The following DLX1 variants were observed in gnomAD, a reference collection of about 807,000 sequenced individuals.
DLX1 encodes distal-less homeobox 1.
DLX1 carries 7 observed loss-of-function variants against 25.0 expected under a neutral mutation model. The observed-to-expected ratio is 0.28, with a 90% CI of 0.16 to 0.52. DLX1 has a LOEUF of 0.52. Ranked by LOEUF, DLX1 falls within the 20% of genes least tolerant of loss-of-function variation. The probability of loss-of-function intolerance (pLI) is 0.96; values close to 1 mark genes in which losing one functional copy is unlikely to be tolerated. For missense variants in DLX1, 233 were observed against 334.4 expected (o/e 0.70, Z 2.37); for synonymous variants, 155 against 140.3 (o/e 1.10, Z -0.74).
Position 172,085,509 on chromosome 2 carries a change from C to A in DLX1, c.-169C>A. Reference sequence around the variant, plus strand: ...TTTGAACCGAGTTTGGGGAGCTCAGCAGCATCATGCTTAGACTTTTCAAAG... The same window carrying A: ...TTTGAACCGAGTTTGGGGAGCTCAGAAGCATCATGCTTAGACTTTTCAAAG... On this transcript the variant is annotated 5_prime_UTR_variant, in exon 1 of 3. Transcript: ENST00000361725. The surrounding 1 kb of genome is among the most constrained non-coding windows in gnomAD (Gnocchi z 4.3). The A allele has an allele frequency of 1.5e-6, 1 of 679,280 alleles. No individual in the cohort carries two copies. Among genetic ancestry groups the A allele is most frequent in the Non-Finnish European group, 2.5e-6 (1 of 407,836 alleles). 42.1% of individuals were successfully genotyped at this position (679,280 alleles called of 1,614,324 possible).
chr2:172,087,057 T>A, intron 2 of DLX1: 1 of 723,040 alleles, frequency 1.4e-6, no homozygotes, highest in South Asian at 1.5e-5. Context: ...TATCCCGAGC[T>A]GCCTGCCGTC....
chr2:172,087,803 G>A (rs1690873160), intron 2 of DLX1, among the ~76,000 whole-genome samples, 200 bp from the exon 3 acceptor site: 1 of 152,230 alleles, frequency 6.6e-6, no homozygotes, highest in Non-Finnish European at 1.5e-5. Flanking sequence ...ACGGCGGCGG[G>A]AGGTTCGGCC....
intron 1 of DLX1, 166 bp from the exon 2 acceptor site, chr2:172,086,488 C>G: frequency 1.5e-6 from 1 of 646,752 alleles, no homozygotes; most frequent in South Asian, 2.3e-5. Context: ...CGTCCCGGGA[C>G]AGGCCCTCGG....
rs756561884 is a variant in DLX1 at position 172,085,654 on chromosome 2, C to T, written c.-24C>T. ...AAGGGAAGCAGAGGAGAGAAAGTCC[C>T]ACACCCAGACCCCGCGAGAAGAGAT... On this transcript the variant is annotated 5_prime_UTR_variant, in exon 1 of 3. Coordinates refer to ENST00000361725, the MANE Select transcript of DLX1 (RefSeq NM_178120.5). The surrounding 1 kb of genome is among the most constrained non-coding windows in gnomAD (Gnocchi z 4.3). 4 of 1,599,334 alleles carry T rather than the reference C, an allele frequency of 2.5e-6. No individual in the cohort carries two copies. Among genetic ancestry groups the T allele is most frequent in the Non-Finnish European group, 3.4e-6 (4 of 1,173,014 alleles).
chr2:172,086,262 T>G (rs538461228), intron 1 of DLX1: 23 of 529,758 alleles, frequency 4.3e-5, no homozygotes, highest in Admixed American at 1.8e-4. Flanking sequence ...TGGCTGGGCC[T>G]CTGGGCGGCT....
chr2:172,085,623 C>A lies in DLX1; in HGVS notation c.-55C>A. 3 of 1,550,502 alleles carry A rather than the reference C, an allele frequency of 1.9e-6. No individual in the cohort carries two copies. The South Asian group carries it at 3.7e-5, about 19-fold the overall frequency. On this transcript the variant is annotated 5_prime_UTR_variant, in exon 1 of 3. Coordinates refer to ENST00000361725, the MANE Select transcript of DLX1 (RefSeq NM_178120.5). The surrounding 1 kb of genome is among the most constrained non-coding windows in gnomAD (Gnocchi z 4.3). ...TTCCTGTCCTGAGAAACATAGAGAC[C>A]CCCAAAAGGGAAGCAGAGGAGAGAA...
Position 172,085,843 on chromosome 2 carries a change from G to A in DLX1, c.166G>A (p.Ala56Thr), listed in dbSNP as rs776371692. 42 of 1,614,062 alleles carry A rather than the reference G, an allele frequency of 2.6e-5. No individual in the cohort carries two copies. Among genetic ancestry groups the A allele is most frequent in the African/African-American group, 5.3e-5 (4 of 74,912 alleles). Residue 56 changes from alanine (A) to threonine (T), a missense_variant, in exon 1 of 3, where the codon GCC becomes ACC. This residue lies in a region of DLX1 where 126 missense variants were observed against 170.4 expected (regional missense o/e 0.74). Coordinates refer to ENST00000361725, the MANE Select transcript of DLX1 (RefSeq NM_178120.5). The surrounding 1 kb of genome is among the most constrained non-coding windows in gnomAD (Gnocchi z 4.3). ...GGCGGGCCATTCGCAGCCCGACGGC[G>A]CCTACAGCTCAGCCTCGTCCTTCTC... ...HSAGHSQPDG[A>T]YSSASSFSRP... is the part of the protein sequence containing the mutation.
rs1185315392 is a variant in DLX1 at position 172,085,530 on chromosome 2, C to T, written c.-148C>T. 1.2e-5 allele frequency: 10 copies of T among 832,958 alleles called. No individual in the cohort carries two copies. Among genetic ancestry groups the T allele is most frequent in the Non-Finnish European group, 1.9e-5 (10 of 538,546 alleles). 51.6% of individuals were successfully genotyped at this position (832,958 alleles called of 1,614,324 possible). The stretch of plus-strand genomic sequence containing the variant: ...TCAGCAGCATCATGCTTAGACTTTT[C>T]AAAGAGACAAACTCCATTTTCTTAT... On this transcript the variant is annotated 5_prime_UTR_variant, in exon 1 of 3. Transcript: ENST00000361725. This position sits in a 1 kb window ranked among gnomAD's most constrained non-coding sequence, Gnocchi z 4.3.
rs1690892532 is a variant in DLX1, at chr2:172,088,041, G to A, written c.552G>A (p.Lys184=). 3 of 1,525,386 alleles carry A rather than the reference G, an allele frequency of 2.0e-6. No homozygotes were observed. Among genetic ancestry groups the A allele is most frequent in the Non-Finnish European group, 2.6e-6 (3 of 1,137,382 alleles). 94.5% of individuals were successfully genotyped at this position (1,525,386 alleles called of 1,614,324 possible). Residue 184 remains lysine (K), a synonymous_variant, in exon 3 of 3, where the codon AAG becomes AAA. Transcript: ENST00000361725. The part of the protein sequence containing the change: ...IWFQNKRSKF[K]KLMKQGGAAL... ...TCCAAAACAAGCGATCCAAGTTCAA[G>A]AAGCTGATGAAGCAGGGTGGGGCGG...
intron 2 of DLX1, chr2:172,087,158 A>G: frequency 1.6e-6 from 1 of 620,322 alleles, no homozygotes; most frequent in Non-Finnish European, 3.1e-6. Flanking sequence ...ACGTGCCTAA[A>G]CAACTGGAAC....
rs757807204 is a variant in DLX1 at position 172,085,899 on chromosome 2, G to T, written c.222G>T (p.Ser74=). Residue 74 remains serine, a synonymous_variant, in exon 1 of 3, where the codon TCG becomes TCT. Coordinates refer to ENST00000361725, the MANE Select transcript of DLX1 (RefSeq NM_178120.5). The surrounding 1 kb of genome is among the most constrained non-coding windows in gnomAD (Gnocchi z 4.3). Reference sequence around the variant, plus strand: ...CGCTGGGCTACCCCTACGTCAACTCGGTCAGCAGCCACGCATCCAGCCCCT... The same window carrying T: ...CGCTGGGCTACCCCTACGTCAACTCTGTCAGCAGCCACGCATCCAGCCCCT... ...SRPLGYPYVN[S]VSSHASSPYI... 5 of 1,614,032 alleles carry T rather than the reference G, an allele frequency of 3.1e-6. No homozygotes were observed. The highest frequency in any genetic ancestry group is 4.2e-6 in the Non-Finnish European group (5 of 1,180,048).
Position 172,088,337 on chromosome 2 carries a change from A to G in DLX1, c.*80A>G. ...GGTCCATCCATCCCGTCCGGAAAAG[A>G]AGGACCCAGAGGGAAGAAGGAACAG... On this transcript the variant is annotated 3_prime_UTR_variant, in exon 3 of 3. Transcript: ENST00000361725. 1 of 1,400,890 alleles carries G rather than the reference A, an allele frequency of 7.1e-7. No homozygotes were observed. The highest frequency in any genetic ancestry group is 1.5e-5 in the African/African-American group (1 of 67,198). 86.8% of individuals were successfully genotyped at this position (1,400,890 alleles called of 1,614,324 possible). A position where few individuals can be genotyped will look rare whatever the true frequency, so the allele number is the denominator to read the frequency against.
Position 172,087,706 on chromosome 2 carries a change from G to A in DLX1, c.514-297G>A, listed in dbSNP as rs1690870333. ...CGCAGGCGGTAGCCACGGTCGGACT[G>A]AGCCCCTGGCAGGCTAAGGCCTGGA... is the stretch of plus-strand genomic sequence containing the variant. On this transcript the variant is annotated intron_variant, in intron 2 of 2. Transcript: ENST00000361725. 2.5e-5 allele frequency: 15 copies of A among 611,458 alleles called. 1 individual carries two copies. Among genetic ancestry groups the A allele is most frequent in the South Asian group, 2.3e-4 (15 of 65,020 alleles). 37.9% of individuals were successfully genotyped at this position (611,458 alleles called of 1,614,324 possible). A position where few individuals can be genotyped will look rare whatever the true frequency, so the allele number is the denominator to read the frequency against.
chr2:172,085,949 C>G lies in DLX1; in HGVS notation c.272C>G (p.Pro91Arg), dbSNP rs1472610182. ...TACATCAGTTCGGTGCAGTCCTACC[C>G]GGGCAGCGCCAGCCTCGCCCAGAGC... ...SPYISSVQSY[P>R]GSASLAQSRL... is the part of the protein sequence containing the mutation. Residue 91 changes from proline (P) to arginine (R), a missense_variant, in exon 1 of 3, where the codon CCG (proline) becomes CGG (arginine). Coordinates refer to ENST00000361725, the MANE Select transcript of DLX1 (RefSeq NM_178120.5). This position sits in a 1 kb window ranked among gnomAD's most constrained non-coding sequence, Gnocchi z 4.3. 1 of 1,613,922 alleles carries G rather than the reference C, an allele frequency of 6.2e-7. No homozygotes were observed. The highest frequency in any genetic ancestry group is 1.7e-5 in the Admixed American group (1 of 60,014).
Position 172,087,996 on chromosome 2 carries a change from C to G in DLX1, c.514-7C>G, listed in dbSNP as rs562265867. 1.3e-6 allele frequency: 2 copies of G among 1,507,544 alleles called. No individual in the cohort carries two copies. The highest frequency in any genetic ancestry group is 2.4e-5 in the East Asian group (1 of 42,430). The allele number at this position is 1,507,544 out of a possible 1,614,324, so 93.4% of individuals were successfully genotyped here. A position where few individuals can be genotyped will look rare whatever the true frequency, so the allele number is the denominator to read the frequency against. Reference sequence around the variant, plus strand: ...AGCCTGAGTCACGTTGTTGTCCGCTCTTGCAGGTCAAGATCTGGTTCCAAA... The same window carrying G: ...AGCCTGAGTCACGTTGTTGTCCGCTGTTGCAGGTCAAGATCTGGTTCCAAA... On this transcript the variant is annotated splice_polypyrimidine_tract_variant and splice_region_variant and intron_variant, in intron 2 of 2. Transcript: ENST00000361725.
rs776119690 is a variant in DLX1, at chr2:172,087,013, A to G, written c.513+160A>G. 1.0e-5 allele frequency: 8 copies of G among 784,248 alleles called. No homozygotes were observed. In the Admixed American group the frequency reaches 1.2e-4, roughly 12 times the overall value. The allele number at this position is 784,248 out of a possible 1,614,324, so 48.6% of individuals were successfully genotyped here. A position where few individuals can be genotyped will look rare whatever the true frequency, so the allele number is the denominator to read the frequency against. On this transcript the variant is annotated intron_variant, in intron 2 of 2. Coordinates refer to ENST00000361725, the MANE Select transcript of DLX1 (RefSeq NM_178120.5). The stretch of plus-strand genomic sequence containing the variant: ...TCTCAGCGTGTCTCCTTCCTCCCTC[A>G]TTCCCTCTGCCCTAGCTCTGTCACT...
intron 2 of DLX1, chr2:172,087,687 C>T: frequency 1.7e-6 from 1 of 586,962 alleles, no homozygotes; most frequent in Non-Finnish European, 3.2e-6. Flanking sequence ...CTTCCGCAGG[C>T]GGTAGCCACG....
intron 2 of DLX1, chr2:172,087,121 C>T (rs1246210381): frequency 5.9e-6 from 4 of 680,206 alleles, no homozygotes; most frequent in South Asian, 1.5e-5. Flanking sequence ...TTTCCCCAGA[C>T]GATTTGTTTG....
At chr2:172,087,133 G>C (rs1261825854) in intron 2 of DLX1, 1 of 665,688 alleles carries the variant, frequency 1.5e-6, no homozygotes, top group South Asian at 1.5e-5. Flanking sequence ...ATTTGTTTGG[G>C]AACTCAGAGG....
Sources: allele counts gnomAD v4.1 joint callset (sites outside exome capture counted in the v4.1 genomes callset), GRCh38; gene constraint gnomAD v4.1.1; regional missense constraint gnomAD v4.1.1; non-coding constraint Gnocchi (gnomAD v3.1); transcripts MANE v1.5; gene names NCBI Gene and HGNC (gene_info 2026-07-23, HGNC 2026-07-21).